The following EHMT1 variants were observed in gnomAD, a reference collection of about 807,000 sequenced individuals.
EHMT1 encodes histone-lysine N-methyltransferase EHMT1.
A neutral mutation model predicts 147.2 loss-of-function variants in EHMT1; 15 were observed. The observed-to-expected ratio is 0.10, with a 90% confidence interval of 0.07 to 0.16. EHMT1 has a LOEUF of 0.16. Among genes scored for constraint, EHMT1 ranks in the 10% least tolerant of loss-of-function variants. The probability of loss-of-function intolerance (pLI) is 1.00; values close to 1 mark genes in which losing one functional copy is unlikely to be tolerated. For missense variants in EHMT1, 1,587 were observed against 1,772.4 expected, an observed-to-expected ratio of 0.90 and a Z score of 1.88; for synonymous variants, 795 against 709.6, an observed-to-expected ratio of 1.12 and a Z score of -1.91.
At chr9:137,700,368 G>A (rs1489281900) in intron 1 of EHMT1, among the ~76,000 whole-genome samples, 2 of 152,088 alleles carry the variant, frequency 1.3e-5, no homozygotes, top group Non-Finnish European at 2.9e-5. Context: ...AAGTTTTTGT[G>A]TCTATCTGAA....
At chr9:137,707,788 G>A (rs1173352518) in intron 1 of EHMT1, among the ~76,000 whole-genome samples, 1 of 152,216 alleles carries the variant, frequency 6.6e-6, no homozygotes, top group Non-Finnish European at 1.5e-5. Flanking sequence ...TCCAGGAGGG[G>A]ACAGCATGTG....
rs780886562 is a variant in EHMT1 at position 137,834,375 on chromosome 9, G to A, written c.3567G>A (p.Ala1189=). The stretch of plus-strand genomic sequence containing the variant: ...ACGGGGAGGTTTACTGCATCGACGC[G>A]CGGTTCTACGGGAACGTCAGCCGGT... ...NKDGEVYCID[A]RFYGNVSRFI... Residue 1189 remains alanine (A), a synonymous_variant, in exon 26 of 27, where the codon GCG becomes GCA. Transcript: ENST00000460843. 3.7e-6 allele frequency: 6 copies of A among 1,613,076 alleles called. No homozygotes were observed. In the African/African-American group the frequency reaches 4.0e-5, roughly 11 times the overall value.
intron 1 of EHMT1, among the ~76,000 whole-genome samples, chr9:137,691,326 A>AT (rs1564593747): frequency 3.4e-4 from 49 of 145,896 alleles, no homozygotes; most frequent in African/African-American, 5.8e-4. Context: ...TATATATATA[A>AT]AATATATTTT....
At chr9:137,675,779 ATTT>A (rs781380107) in intron 1 of EHMT1, among the ~76,000 whole-genome samples, 3 of 95,780 alleles carry the variant, frequency 3.1e-5, no homozygotes, top group South Asian at 3.3e-4. Flanking sequence ...CGCCCGGCTA[ATTT>A]TTTTTTTTTT....
At chr9:137,791,637 C>T (rs1588731650) in intron 16 of EHMT1, among the ~76,000 whole-genome samples, 1 of 152,198 alleles carries the variant, frequency 6.6e-6, no homozygotes, top group South Asian at 2.1e-4. Context: ...AATAGAAAGA[C>T]ATCCCATGTT....
rs576485724 is a variant in EHMT1 at position 137,717,597 on chromosome 9, C to G, written c.642+415C>G. ...CTCCAGCTTGGGCACCAGAGTGAGA[C>G]CCTGTCTCAAAAAAAAAAAAAAAAA... On this transcript the variant is annotated intron_variant, in intron 3 of 26. Transcript: ENST00000460843. 5.1e-5 allele frequency among the ~76,000 whole-genome samples: 7 copies of G among 136,962 alleles called. No homozygotes were observed. In the East Asian group the frequency reaches 1.4e-3, roughly 27 times the overall value. 89.9% of individuals were successfully genotyped at this position (136,962 alleles called of 152,430 possible).
chr9:137,685,114 T>A (rs1942314375), intron 1 of EHMT1, among the ~76,000 whole-genome samples: 1 of 152,098 alleles, frequency 6.6e-6, no homozygotes, highest in African/African-American at 2.4e-5. Context: ...TTTTACTACT[T>A]TAGCCATTTC....
intron 1 of EHMT1, among the ~76,000 whole-genome samples, chr9:137,672,965 A>G (rs1054365052): frequency 1.3e-5 from 2 of 152,254 alleles, no homozygotes; most frequent in Non-Finnish European, 1.5e-5. Context: ...TTCTGCATGC[A>G]GGTTTAAGCC....
chr9:137,737,701 T>C (rs534964669), intron 4 of EHMT1, among the ~76,000 whole-genome samples: 3 of 152,232 alleles, frequency 2.0e-5, no homozygotes, highest in Non-Finnish European at 4.4e-5. Context: ...CAAAGCTTTC[T>C]ATCTCCTTGT....
At position 137,760,833 on chromosome 9, in the gene EHMT1, C is replaced by T. The variant is rs754643608; in HGVS notation, c.1502-1842C>T. ...GACCATCCTGGCTAACACAGTGAAACCCCGTCTCTACTGAAATACAAAAAA... is the reference window on the plus strand; with the variant it reads ...GACCATCCTGGCTAACACAGTGAAATCCCGTCTCTACTGAAATACAAAAAA... On this transcript the variant is annotated intron_variant, in intron 9 of 26. Coordinates refer to ENST00000460843, the MANE Select transcript of EHMT1 (RefSeq NM_024757.5). Among the ~76,000 whole-genome samples, 93 of 152,180 alleles carry T rather than the reference C, an allele frequency of 6.1e-4. 1 individual carries two copies. The highest frequency in any genetic ancestry group is 1.1e-3 in the Non-Finnish European group (75 of 68,030).
In EHMT1 at chr9:137,782,433, C is replaced by T. The variant is rs1175206168; in HGVS notation, c.2382+36C>T. On this transcript the variant is annotated intron_variant, in intron 15 of 26. Coordinates refer to ENST00000460843, the MANE Select transcript of EHMT1 (RefSeq NM_024757.5). This position sits in a 1 kb window ranked among gnomAD's most constrained non-coding sequence, Gnocchi z 5.7. ...ACGGCGCCCTCCTAGGGCTCTTCAC[C>T]TGCTCTCTTTTATTTTTACCAAAGT... is the stretch of plus-strand genomic sequence containing the variant. 5 of 1,549,440 alleles carry T rather than the reference C, an allele frequency of 3.2e-6. No homozygotes were observed. In the South Asian group the frequency reaches 3.4e-5, roughly 11 times the overall value.
intron 1 of EHMT1, among the ~76,000 whole-genome samples, chr9:137,682,729 TC>T (rs1341131803): frequency 2.0e-5 from 3 of 152,176 alleles, no homozygotes; most frequent in African/African-American, 7.2e-5. Context: ...TGGGGTCATA[TC>T]CAACCCCCTG....
At chr9:137,816,173 T>G in intron 23 of EHMT1, 111 bp downstream of exon 23, 1 of 968,392 alleles carries the variant, frequency 1.0e-6, no homozygotes, top group Non-Finnish European at 1.6e-6. Context: ...CACGCACATG[T>G]GTGTTTGCAG....
chr9:137,772,258 A>G (rs1950634530), intron 10 of EHMT1, among the ~76,000 whole-genome samples: 1 of 152,210 alleles, frequency 6.6e-6, no homozygotes, highest in Non-Finnish European at 1.5e-5. Flanking sequence ...TTGAACGAGA[A>G]GAGAAAATAC....
At chr9:137,675,852 C>T (rs1437378272) in intron 1 of EHMT1, among the ~76,000 whole-genome samples, 4 of 135,198 alleles carry the variant, frequency 3.0e-5, no homozygotes, top group African/African-American at 2.9e-5. Context: ...GGCGGGATCT[C>T]GGCTCACTGC....
chr9:137,776,964 C>A lies in EHMT1; in HGVS notation c.2018+120C>A. ...AGAAGTCTCTGAGCTGATGCTGATGCTTATGGTGATTTCTGACATTTAAGA... is the reference window on the plus strand; with the variant it reads ...AGAAGTCTCTGAGCTGATGCTGATGATTATGGTGATTTCTGACATTTAAGA... On this transcript the variant is annotated intron_variant, in intron 12 of 26. Transcript: ENST00000460843. This position sits in a 1 kb window ranked among gnomAD's most constrained non-coding sequence, Gnocchi z 4.4. 2 of 898,508 alleles carry A rather than the reference C, an allele frequency of 2.2e-6. No homozygotes were observed. Among genetic ancestry groups the A allele is most frequent in the Non-Finnish European group, 3.4e-6 (2 of 581,736 alleles). The allele number at this position is 898,508 out of a possible 1,614,324, so 55.7% of individuals were successfully genotyped here.
chr9:137,803,132 C>A (rs1309089120), intron 18 of EHMT1: 1 of 1,228,678 alleles, frequency 8.1e-7, no homozygotes, highest in East Asian at 3.2e-5. Flanking sequence ...GCTGTTAGCT[C>A]TCTGATGCTG....
At chr9:137,624,481 A>T (rs918508195) in intron 1 of EHMT1, among the ~76,000 whole-genome samples, 1 of 151,522 alleles carries the variant, frequency 6.6e-6, no homozygotes, top group African/African-American at 2.4e-5. Context: ...ACGCCTGGCT[A>T]ATTTTTGTAA....
intron 25 of EHMT1, among the ~76,000 whole-genome samples, chr9:137,827,980 G>A (rs1367803034): frequency 6.6e-6 from 1 of 152,188 alleles, no homozygotes; most frequent in East Asian, 1.9e-4. Context: ...GAGCAGCTAG[G>A]GGAGGCCGTG....
Sources: gnomAD v4.1 joint callset for allele counts (sites outside exome capture counted in the v4.1 genomes callset) on GRCh38, gnomAD v4.1.1 for gene constraint, Gnocchi (gnomAD v3.1) non-coding constraint, MANE v1.5 for transcripts, NCBI Gene and HGNC (gene_info 2026-07-23, HGNC 2026-07-21) for gene names.